Variants in EPB41L4A observed in about 807,000 individuals in gnomAD.
The protein encoded by EPB41L4A is band 4.1-like protein 4A.
In EPB41L4A, 100 loss-of-function variants were observed where a neutral mutation model predicts 108.6. The observed-to-expected ratio is 0.92, with a 90% CI of 0.78 to 1.09. The LOEUF (loss-of-function observed/expected upper bound fraction) is 1.09, where lower values mean the gene tolerates loss of function less well. EPB41L4A is among the 50% of genes least tolerant of loss of function. The probability of loss-of-function intolerance (pLI) is 0.00; values close to 1 mark genes in which losing one functional copy is unlikely to be tolerated. For missense variants in EPB41L4A, 1,030 were observed against 842.7 expected, an observed-to-expected ratio of 1.22 and a Z score of -2.75; for synonymous variants, 319 against 289.0, an observed-to-expected ratio of 1.10 and a Z score of -1.05.
Position 112,193,157 on chromosome 5 carries a change from C to A in EPB41L4A, c.1502+1411G>T, listed in dbSNP as rs962579738. On this transcript the variant is annotated intron_variant, in intron 17 of 22. Transcript: ENST00000261486. ...TTTCCTAAAAAAATGTCCACTCTTA[C>A]AATGCTGTCTGGGCTATTATTACAC... 9.2e-5 allele frequency among the ~76,000 whole-genome samples: 14 copies of A among 152,330 alleles called. No homozygotes were observed. The East Asian group carries it at 2.5e-3, about 27-fold the overall frequency.
At position 112,415,766 on chromosome 5, in the gene EPB41L4A, T is replaced by A. The variant is rs1281255175; in HGVS notation, c.99+3175A>T. Among the ~76,000 whole-genome samples the A allele has an allele frequency of 3.3e-5, 5 of 152,218 alleles. No individual in the cohort carries two copies. The East Asian group carries it at 9.7e-4, about 29-fold the overall frequency. ...CAGATAGCAGCAAAAGACAAACAGCTAAAAGCTATTGTAGGGCTCAACACA... is the reference window on the plus strand; with the variant it reads ...CAGATAGCAGCAAAAGACAAACAGCAAAAAGCTATTGTAGGGCTCAACACA... On this transcript the variant is annotated intron_variant, in intron 1 of 22. Coordinates refer to ENST00000261486, the MANE Select transcript of EPB41L4A (RefSeq NM_022140.5).
At chr5:112,212,294 GT>G (rs1399638774) in intron 12 of EPB41L4A, among the ~76,000 whole-genome samples, 3 of 136,538 alleles carry the variant, frequency 2.2e-5, no homozygotes, top group African/African-American at 5.5e-5. Flanking sequence ...AGTTGTTTTT[GT>G]TTTTTTTTTT....
intron 1 of EPB41L4A, among the ~76,000 whole-genome samples, chr5:112,393,900 G>A (rs184314252): frequency 2.1e-3 from 315 of 152,302 alleles, no homozygotes; most frequent in Non-Finnish European, 3.7e-3. Flanking sequence ...CCAAGATCAA[G>A]TTGGCTTCAT....
At chr5:112,364,009 T>A (rs1037344381) in intron 1 of EPB41L4A, among the ~76,000 whole-genome samples, 2 of 110,842 alleles carry the variant, frequency 1.8e-5, no homozygotes, top group Admixed American at 1.1e-4. Context: ...CAATATTTGC[T>A]TTCATTCATT....
intron 1 of EPB41L4A, among the ~76,000 whole-genome samples, chr5:112,397,191 T>G (rs1289681531): frequency 2.0e-5 from 3 of 152,224 alleles, no homozygotes; most frequent in Non-Finnish European, 2.9e-5. Flanking sequence ...ATGAAGTATT[T>G]GGTTTTCTGT....
intron 12 of EPB41L4A, among the ~76,000 whole-genome samples, chr5:112,147,197 T>A (rs1759291449): frequency 6.6e-6 from 1 of 152,194 alleles, no homozygotes; most frequent in Non-Finnish European, 1.5e-5. Flanking sequence ...CTATTCAGTA[T>A]CTCTGTCATT....
Position 112,234,761 on chromosome 5 carries a change from G to C in EPB41L4A, c.966-6C>G, listed in dbSNP as rs1288294486. 1 of 1,608,548 alleles carries C rather than the reference G, an allele frequency of 6.2e-7. No homozygotes were observed. Among genetic ancestry groups the C allele is most frequent in the Admixed American group, 1.7e-5 (1 of 59,772 alleles). ...TTTGCAAAGCTGTCCTGCCACTTGA[G>C]AGTGCAACATTTTGATTAGCAAAGG... On this transcript the variant is annotated splice_region_variant and splice_polypyrimidine_tract_variant and intron_variant, in intron 11 of 22. Transcript: ENST00000261486.
At chr5:112,347,947 A>C (rs1757791989) in intron 1 of EPB41L4A, among the ~76,000 whole-genome samples, 2 of 152,160 alleles carry the variant, frequency 1.3e-5, no homozygotes, top group African/African-American at 4.8e-5. Flanking sequence ...TCCTTCCTCT[A>C]CGGGAAACCT....
intron 1 of EPB41L4A, among the ~76,000 whole-genome samples, chr5:112,416,684 G>A (rs1165250989): frequency 6.6e-6 from 1 of 152,150 alleles, no homozygotes; most frequent in Non-Finnish European, 1.5e-5. Flanking sequence ...ACAAACTAAA[G>A]TAGGAGTTAA....
At chr5:112,194,712 G>A in intron 16 of EPB41L4A, 67 bp from the exon 17 acceptor site, 2 of 952,148 alleles carry the variant, frequency 2.1e-6, no homozygotes, top group Non-Finnish European at 1.6e-6. Flanking sequence ...ATTTCAGAAA[G>A]GTTTATATGG....
rs114837332 is a variant in EPB41L4A, at chr5:112,391,525, T to C, written c.99+27416A>G. ...ATGAAATGAAACAAGAACAGAAGTGTAGAGAAAAAAGAGTAAAAAGAAACG... is the reference window on the plus strand; with the variant it reads ...ATGAAATGAAACAAGAACAGAAGTGCAGAGAAAAAAGAGTAAAAAGAAACG... On this transcript the variant is annotated intron_variant, in intron 1 of 22. Coordinates refer to ENST00000261486, the MANE Select transcript of EPB41L4A (RefSeq NM_022140.5). Among the ~76,000 whole-genome samples the C allele has an allele frequency of 8.4e-3, 1,268 of 150,970 alleles. 12 individuals are homozygous for C. Among genetic ancestry groups the C allele is most frequent in the Middle Eastern group, 0.021 (6 of 292 alleles).
At chr5:112,391,375 A>C (rs1240852566) in intron 1 of EPB41L4A, among the ~76,000 whole-genome samples, 1 of 149,382 alleles carries the variant, frequency 6.7e-6, no homozygotes, top group Non-Finnish European at 1.5e-5. Context: ...AGTGCAGAGA[A>C]GACCTTAAAT....
At chr5:112,221,575 T>G (rs538961310) in intron 12 of EPB41L4A, among the ~76,000 whole-genome samples, 3 of 152,210 alleles carry the variant, frequency 2.0e-5, no homozygotes, top group African/African-American at 7.2e-5. Context: ...AGCACTGTGT[T>G]TGGAATTTAG....
rs114341269 is a variant in EPB41L4A, at chr5:112,299,541, G to A, written c.204+7845C>T. ...TAGAATGTTCTGTAAATGGCCAGGC[G>A]TGGTGGCTCCCGCCTGTAATCCCAG... On this transcript the variant is annotated intron_variant, in intron 2 of 22. Transcript: ENST00000261486. Among the ~76,000 whole-genome samples the A allele has an allele frequency of 7.8e-3, 1,189 of 152,270 alleles. 16 individuals carry two copies. Among genetic ancestry groups the A allele is most frequent in the African/African-American group, 0.027 (1,119 of 41,546 alleles).
Position 112,418,970 on chromosome 5 carries a change from T to G in EPB41L4A, c.70A>C (p.Thr24Pro). ...EVLLLDESKL[T>P]LTTQQQGIKK... Reference sequence around the variant, plus strand: ...ATGCCCTGCTGCTGGGTGGTAAGGGTTAACTTGGATTCATCCAGGAGCAAA... The same window carrying G: ...ATGCCCTGCTGCTGGGTGGTAAGGGGTAACTTGGATTCATCCAGGAGCAAA... Residue 24 changes from threonine (T) to proline (P), a missense_variant, in exon 1 of 23, where the codon ACC (threonine) becomes CCC (proline). Thr to Pro is a conservative substitution (Grantham distance 38). Transcript: ENST00000261486. The G allele has an allele frequency of 6.2e-7, 1 of 1,612,658 alleles. No individual in the cohort carries two copies. Among genetic ancestry groups the G allele is most frequent in the South Asian group, 1.1e-5 (1 of 90,972 alleles).
chr5:112,272,197 C>T (rs1752306299), intron 4 of EPB41L4A, among the ~76,000 whole-genome samples: 1 of 147,254 alleles, frequency 6.8e-6, no homozygotes, highest in African/African-American at 2.5e-5. Flanking sequence ...TGCAGTGCCG[C>T]AATCTTGGCT....
chr5:112,165,489 A>G (rs1032833307), intron 22 of EPB41L4A, among the ~76,000 whole-genome samples: 4 of 152,234 alleles, frequency 2.6e-5, no homozygotes, highest in East Asian at 3.9e-4. Context: ...TCCCCTGATT[A>G]TATTTTCAGT....
At chr5:112,250,558 T>C (rs557592296) in intron 9 of EPB41L4A, 46 of 152,326 alleles carry the variant, frequency 3.0e-4, no homozygotes, top group African/African-American at 1.1e-3. Context: ...ACATTATCAA[T>C]CCTGTTAAAA....
chr5:112,389,343 A>C (rs1760776263), intron 1 of EPB41L4A, among the ~76,000 whole-genome samples: 1 of 152,220 alleles, frequency 6.6e-6, no homozygotes, highest in African/African-American at 2.4e-5. Context: ...AAGCTCCTAC[A>C]CTAGGCCCCA....
Sources: allele counts gnomAD v4.1 joint callset (sites outside exome capture counted in the v4.1 genomes callset), GRCh38; gene constraint gnomAD v4.1.1; transcripts MANE v1.5; gene names NCBI Gene and HGNC (gene_info 2026-07-23, HGNC 2026-07-21).